The following CADPS2 variants were observed in gnomAD, a reference collection of about 807,000 sequenced individuals.
CADPS2 encodes calcium-dependent secretion activator 2.
Under a neutral mutation model 172.5 loss-of-function variants are expected in CADPS2, and 93 were observed. The observed-to-expected ratio is 0.54, with a 90% CI of 0.46 to 0.64. The LOEUF (loss-of-function observed/expected upper bound fraction) is 0.64. Ranked by LOEUF, CADPS2 falls within the 30% of genes least tolerant of loss-of-function variation. The pLI is 0.00. For missense variants in CADPS2, 1,420 were observed against 1,565.9 expected, an observed-to-expected ratio of 0.91 and a Z score of 1.57; for synonymous variants, 546 against 555.2, an observed-to-expected ratio of 0.98 and a Z score of 0.23.
intron 1 of CADPS2, among the ~76,000 whole-genome samples, chr7:122,754,030 G>C (rs1460337434): frequency 6.6e-6 from 1 of 152,140 alleles, no homozygotes; most frequent in African/African-American, 2.4e-5. Flanking sequence ...CACCAGGTAG[G>C]AGCTGTGCAG....
rs1362073669 is a variant in CADPS2 at position 122,393,114 on chromosome 7, A to C, written c.3008+82T>G. ...CAACCAACGATGACAAATGCCATGC[A>C]GTCTAAACACATCTGCGCAGAACAC... On this transcript the variant is annotated intron_variant, in intron 22 of 29. Transcript: ENST00000449022. 9.6e-6 allele frequency: 14 copies of C among 1,452,822 alleles called. No individual in the cohort carries two copies. The East Asian group carries it at 3.3e-4, about 34-fold the overall frequency. 90.0% of individuals were successfully genotyped at this position (1,452,822 alleles called of 1,614,324 possible).
At position 122,804,941 on chromosome 7, in the gene CADPS2, A is replaced by C. The variant is rs566950015; in HGVS notation, c.340-67873T>G. Among the ~76,000 whole-genome samples, 15 of 152,366 alleles carry C rather than the reference A, an allele frequency of 9.8e-5. No homozygotes were observed. The South Asian group carries it at 3.1e-3, about 32-fold the overall frequency. On this transcript the variant is annotated intron_variant, in intron 1 of 29. Coordinates refer to ENST00000449022, the MANE Select transcript of CADPS2 (RefSeq NM_017954.11). ...GAATAAGCTCTGGGGATTGGTAAAT[A>C]GAATTCTTATCTATCACAACCTTGT...
chr7:122,367,503 C>T (rs1452833356), intron 25 of CADPS2, among the ~76,000 whole-genome samples: 1 of 140,526 alleles, frequency 7.1e-6, no homozygotes, highest in Non-Finnish European at 1.5e-5. Flanking sequence ...TTTTTTCACT[C>T]TTGGCTCTGT....
rs1022150598 is a variant in CADPS2 at position 122,404,512 on chromosome 7, A to C, written c.2746+3028T>G. 7.2e-5 allele frequency among the ~76,000 whole-genome samples: 11 copies of C among 152,168 alleles called. No homozygotes were observed. The South Asian group carries it at 2.3e-3, about 32-fold the overall frequency. On this transcript the variant is annotated intron_variant, in intron 20 of 29. Transcript: ENST00000449022. ...TAATTCTTTGGGTATATACCCAGTA[A>C]TGCGATTGCTGGGTCAAATAGTATT... is the stretch of plus-strand genomic sequence containing the variant.
chr7:122,447,239 T>C (rs1253378242), intron 15 of CADPS2, among the ~76,000 whole-genome samples: 1 of 152,052 alleles, frequency 6.6e-6, no homozygotes, highest in Non-Finnish European at 1.5e-5. Flanking sequence ...CAATAGTTTG[T>C]TCATAATTCA....
At chr7:122,800,854 G>A (rs1325465050) in intron 1 of CADPS2, among the ~76,000 whole-genome samples, 1 of 152,040 alleles carries the variant, frequency 6.6e-6, no homozygotes, top group Non-Finnish European at 1.5e-5. Flanking sequence ...AGCCGGGCGT[G>A]GTGGCACATG....
At chr7:122,746,812 T>C (rs1041538774) in intron 1 of CADPS2, among the ~76,000 whole-genome samples, 102 of 152,136 alleles carry the variant, frequency 6.7e-4, no homozygotes, top group African/African-American at 2.4e-3. Flanking sequence ...TTCATTCACC[T>C]GAGCCTTACT....
At chr7:122,439,625 A>G (rs916717676) in intron 16 of CADPS2, among the ~76,000 whole-genome samples, 2 of 151,968 alleles carry the variant, frequency 1.3e-5, no homozygotes, top group African/African-American at 4.8e-5. Context: ...ATATTTTGTT[A>G]GGCAAGGTTT....
chr7:122,668,397 A>G (rs2081403078), intron 2 of CADPS2, among the ~76,000 whole-genome samples: 1 of 71,610 alleles, frequency 1.4e-5, no homozygotes, highest in African/African-American at 7.8e-5. Context: ...GAGACAAAGT[A>G]TGGTTAAAAA....
intron 27 of CADPS2, among the ~76,000 whole-genome samples, chr7:122,346,380 G>C (rs1436508440): frequency 6.6e-6 from 1 of 151,966 alleles, no homozygotes; most frequent in Admixed American, 6.6e-5. Flanking sequence ...ACAAACAAAT[G>C]AAACAAAATA....
chr7:122,455,809 C>T (rs957914215), intron 14 of CADPS2, among the ~76,000 whole-genome samples: 2 of 152,090 alleles, frequency 1.3e-5, no homozygotes, highest in East Asian at 1.9e-4. Context: ...TGGGTTCAAG[C>T]GATTCTCCTG....
At chr7:122,507,526 C>T (rs991301853) in intron 9 of CADPS2, among the ~76,000 whole-genome samples, 1 of 152,104 alleles carries the variant, frequency 6.6e-6, no homozygotes, top group Non-Finnish European at 1.5e-5. Flanking sequence ...CAAGACGTGG[C>T]TCAGTGACAG....
chr7:122,753,712 T>C lies in CADPS2; in HGVS notation c.340-16644A>G, dbSNP rs562593796. On this transcript the variant is annotated intron_variant, in intron 1 of 29. Coordinates refer to ENST00000449022, the MANE Select transcript of CADPS2 (RefSeq NM_017954.11). ...AACAGTACACTTTAGCCAACAGCTA[T>C]GGCTGCCAAAAATTAGATGACAAAT... 7.2e-5 allele frequency among the ~76,000 whole-genome samples: 11 copies of C among 152,290 alleles called. No homozygotes were observed. The South Asian group carries it at 2.1e-3, about 29-fold the overall frequency.
intron 25 of CADPS2, among the ~76,000 whole-genome samples, chr7:122,363,115 A>C (rs983582129): frequency 3.3e-5 from 5 of 152,210 alleles, no homozygotes; most frequent in African/African-American, 1.2e-4. Context: ...TTTCTTACCA[A>C]TCATGACTGG....
At chr7:122,332,607 T>C (rs1290571183) in intron 28 of CADPS2, among the ~76,000 whole-genome samples, 1 of 152,178 alleles carries the variant, frequency 6.6e-6, no homozygotes, top group African/African-American at 2.4e-5. Context: ...TAAATGCTTG[T>C]TGAATGCTGA....
chr7:122,777,424 G>A (rs923318756), intron 1 of CADPS2, among the ~76,000 whole-genome samples: 1 of 152,140 alleles, frequency 6.6e-6, no homozygotes, highest in Non-Finnish European at 1.5e-5. Flanking sequence ...TTCATTATGT[G>A]TGCTTACATA....
chr7:122,706,704 T>G (rs1281858854), intron 2 of CADPS2, among the ~76,000 whole-genome samples: 2 of 147,492 alleles, frequency 1.4e-5, no homozygotes, highest in African/African-American at 4.9e-5. Context: ...TATATACATA[T>G]TCCTTGCTCA....
intron 8 of CADPS2, among the ~76,000 whole-genome samples, chr7:122,532,672 C>T (rs2061882321): frequency 6.6e-6 from 1 of 151,844 alleles, no homozygotes; most frequent in East Asian, 1.9e-4. Flanking sequence ...CTTTTGAGAA[C>T]TGCTGTTTTA....
intron 25 of CADPS2, among the ~76,000 whole-genome samples, chr7:122,365,243 T>G (rs991603456): frequency 7.2e-5 from 11 of 152,178 alleles, no homozygotes; most frequent in Admixed American, 6.5e-4. Context: ...GAGTCTTTCC[T>G]CAGCTTCCTC....
Sources: allele counts gnomAD v4.1 joint callset (sites outside exome capture counted in the v4.1 genomes callset), GRCh38; gene constraint gnomAD v4.1.1; transcripts MANE v1.5; gene names NCBI Gene and HGNC (gene_info 2026-07-23, HGNC 2026-07-21).